JPH4: variants seen among roughly 807,000 people sequenced by gnomAD.
JPH4 encodes junctophilin-4.
A neutral mutation model predicts 57.6 loss-of-function variants in JPH4; 18 were observed. The ratio of observed to expected loss-of-function variants is 0.31; its 90% CI spans 0.22 to 0.46. The LOEUF (loss-of-function observed/expected upper bound fraction) is 0.46, where lower values mean the gene tolerates loss of function less well. Ranked by LOEUF, JPH4 falls within the 20% of genes least tolerant of loss-of-function variation. JPH4 has a pLI of 1.00. For synonymous variants in JPH4, 425 were observed against 406.6 expected, an observed-to-expected ratio of 1.05 and a Z score of -0.54; for missense variants, 727 against 911.1, an observed-to-expected ratio of 0.80 and a Z score of 2.60.
In JPH4 at chr14:23,571,494, A is replaced by T. The variant is rs1889145417; in HGVS notation, c.1271-34T>A. 1 of 1,586,344 alleles carries T rather than the reference A, an allele frequency of 6.3e-7. No individual in the cohort carries two copies. On this transcript the variant is annotated intron_variant, in intron 4 of 5. Coordinates refer to ENST00000356300, the MANE Select transcript of JPH4 (RefSeq NM_001146028.2). The surrounding 1 kb of genome is among the most constrained non-coding windows in gnomAD (Gnocchi z 4.6). ...GGATAGCTGAGAATCAGAGGGGCCT[A>T]ACTGGCCTTGGGCTGGAGTGGCTGC...
Position 23,576,127 on chromosome 14 carries a change from G to C in JPH4, c.709C>G (p.Leu237Val). ...GLRAGGRRSSLGSKRGSLRSE... is the reference protein window; with the variant it reads ...GLRAGGRRSSVGSKRGSLRSE... ...CGCAGGGAGCCTCGCTTGCTGCCCA[G>C]GGAGCTGCGACGTCCGCCCGCTCGG... The change falls in exon 3 of 6, where the codon CTG becomes GTG. Residue 237 changes from leucine to valine, a missense_variant. Around this residue, in one of 7 missense-constraint regions of JPH4, gnomAD observed 131 missense variants for 156.5 expected, o/e 0.84. Coordinates refer to ENST00000356300, the MANE Select transcript of JPH4 (RefSeq NM_001146028.2). The surrounding 1 kb of genome is among the most constrained non-coding windows in gnomAD (Gnocchi z 8.0). 1.5e-6 allele frequency: 2 copies of C among 1,310,678 alleles called. No homozygotes were observed. Among genetic ancestry groups the C allele is most frequent in the Admixed American group, 3.8e-5 (1 of 26,014 alleles). 81.2% of individuals were successfully genotyped at this position (1,310,678 alleles called of 1,614,324 possible). A position where few individuals can be genotyped will look rare whatever the true frequency, so the allele number is the denominator to read the frequency against.
Position 23,568,915 on chromosome 14 carries a change from C to A in JPH4, c.*719G>T. ...TACACGTTGCTCTTGGCATGGCATG[C>A]CACCAGAGGGGGCTGGAGGAGGGGC... On this transcript the variant is annotated 3_prime_UTR_variant, in exon 6 of 6. Transcript: ENST00000356300. 1 of 549,940 alleles carries A rather than the reference C, an allele frequency of 1.8e-6. No individual in the cohort carries two copies. The highest frequency in any genetic ancestry group is 2.3e-6 in the Non-Finnish European group (1 of 432,026). The allele number at this position is 549,940 out of a possible 1,614,324, so 34.1% of individuals were successfully genotyped here.
chr14:23,574,097 T>C (rs768235184), intron 3 of JPH4, among the ~76,000 whole-genome samples: 8 of 152,154 alleles, frequency 5.3e-5, no homozygotes, highest in Admixed American at 3.3e-4. Flanking sequence ...AAATTCAATA[T>C]GTAAAAATTC....
chr14:23,569,549 G>T lies in JPH4; in HGVS notation c.*85C>A. On this transcript the variant is annotated 3_prime_UTR_variant, in exon 6 of 6. Coordinates refer to ENST00000356300, the MANE Select transcript of JPH4 (RefSeq NM_001146028.2). This position sits in a 1 kb window ranked among gnomAD's most constrained non-coding sequence, Gnocchi z 4.8. ...AGAAAGAAAGATAGGAGAAAACACA[G>T]CCAGGAAGAGGAGAAGAGAAAAAAG... 1.2e-6 allele frequency: 1 copy of T among 860,618 alleles called. No homozygotes were observed. The highest frequency in any genetic ancestry group is 1.9e-6 in the Non-Finnish European group (1 of 516,808). 53.3% of individuals were successfully genotyped at this position (860,618 alleles called of 1,614,324 possible). A position where few individuals can be genotyped will look rare whatever the true frequency, so the allele number is the denominator to read the frequency against.
chr14:23,572,773 C>T (rs1391441480), intron 3 of JPH4: 4 of 666,134 alleles, frequency 6.0e-6, no homozygotes, highest in South Asian at 3.2e-5. Context: ...TATGCTTTCT[C>T]ACCATTGCAA....
rs965084506 is a variant in JPH4 at position 23,576,760 on chromosome 14, T to G, written c.380-304A>C. Among the ~76,000 whole-genome samples, 13 of 151,394 alleles carry G rather than the reference T, an allele frequency of 8.6e-5. No individual in the cohort carries two copies. The highest frequency in any genetic ancestry group is 2.7e-4 in the African/African-American group (11 of 41,232). On this transcript the variant is annotated intron_variant, in intron 2 of 5. Coordinates refer to ENST00000356300, the MANE Select transcript of JPH4 (RefSeq NM_001146028.2). The surrounding 1 kb of genome is among the most constrained non-coding windows in gnomAD (Gnocchi z 8.0). ...GGACAGGCTGGTCAGGGCGTTTAGA[T>G]AGGCAAACAGTACTCTGAGGGGCAC...
chr14:23,573,824 T>G (rs1221908345), intron 3 of JPH4, among the ~76,000 whole-genome samples: 2 of 152,116 alleles, frequency 1.3e-5, no homozygotes, highest in East Asian at 3.9e-4. Context: ...CTTCCCTGGC[T>G]TAAGTCCCTG....
Position 23,576,958 on chromosome 14 carries a change from G to T in JPH4, c.379+117C>A. On this transcript the variant is annotated intron_variant, in intron 2 of 5. Coordinates refer to ENST00000356300, the MANE Select transcript of JPH4 (RefSeq NM_001146028.2). The surrounding 1 kb of genome is among the most constrained non-coding windows in gnomAD (Gnocchi z 8.0). ...GGGGGCTGGGGGTCACATCGATGGG[G>T]AATGGTGGCGGGGGAAAGAAGGATG... 1.6e-6 allele frequency: 2 copies of T among 1,226,348 alleles called. No homozygotes were observed. Among genetic ancestry groups the T allele is most frequent in the Non-Finnish European group, 2.2e-6 (2 of 923,790 alleles). The allele number at this position is 1,226,348 out of a possible 1,614,324, so 76.0% of individuals were successfully genotyped here.
chr14:23,577,549 G>T lies in JPH4; in HGVS notation c.-96C>A. ...CCTTGGAGCCGGGCGAGGCCTCGGG[G>T]CGGGGGCAGTTAGACCGGGGCCGGG... On this transcript the variant is annotated 5_prime_UTR_variant, in exon 2 of 6. Transcript: ENST00000356300. This position sits in a 1 kb window ranked among gnomAD's most constrained non-coding sequence, Gnocchi z 8.4. The T allele has an allele frequency of 2.6e-6, 3 of 1,141,968 alleles. No individual in the cohort carries two copies. Among genetic ancestry groups the T allele is most frequent in the Non-Finnish European group, 1.1e-6 (1 of 871,192 alleles). The allele number at this position is 1,141,968 out of a possible 1,614,324, so 70.7% of individuals were successfully genotyped here. A position where few individuals can be genotyped will look rare whatever the true frequency, so the allele number is the denominator to read the frequency against.
rs1026423127 is a variant in JPH4 at position 23,569,989 on chromosome 14, G to T, written c.1804-272C>A. The stretch of plus-strand genomic sequence containing the variant: ...ATATCATGTGTCCCAGGCAGGAGGT[G>T]CCTGGCCTTAGTAGCAGACATTGGC... On this transcript the variant is annotated intron_variant, in intron 5 of 5. Transcript: ENST00000356300. The surrounding 1 kb of genome is among the most constrained non-coding windows in gnomAD (Gnocchi z 4.8). Among the ~76,000 whole-genome samples, 2 of 152,176 alleles carry T rather than the reference G, an allele frequency of 1.3e-5. No homozygotes were observed. The highest frequency in any genetic ancestry group is 4.8e-5 in the African/African-American group (2 of 41,438).
rs889511824 is a variant in JPH4, at chr14:23,577,576, G to A, written c.-123C>T. 4 of 794,086 alleles carry A rather than the reference G, an allele frequency of 5.0e-6. No homozygotes were observed. The highest frequency in any genetic ancestry group is 7.1e-6 in the Non-Finnish European group (4 of 561,070). 49.2% of individuals were successfully genotyped at this position (794,086 alleles called of 1,614,324 possible). ...GGGGGCAGTTAGACCGGGGCCGGGC[G>A]GGGGGGCCCCAGCGAGGGCAGGCAG... On this transcript the variant is annotated 5_prime_UTR_variant, in exon 2 of 6. Transcript: ENST00000356300. This position sits in a 1 kb window ranked among gnomAD's most constrained non-coding sequence, Gnocchi z 8.4.
Position 23,577,135 on chromosome 14 carries a change from C to A in JPH4, c.319G>T (p.Ala107Ser). 2 of 1,553,294 alleles carry A rather than the reference C, an allele frequency of 1.3e-6. No individual in the cohort carries two copies. Among genetic ancestry groups the A allele is most frequent in the African/African-American group, 2.7e-5 (2 of 73,152 alleles). ...VWESVSGLRYAGLWKDGFQDG... is the reference protein window; with the variant it reads ...VWESVSGLRYSGLWKDGFQDG... Reference sequence around the variant, plus strand: ...TGGAAACCGTCCTTCCAGAGCCCGGCGTAGCGCAGGCCGGACACGCTTTCC... The same window carrying A: ...TGGAAACCGTCCTTCCAGAGCCCGGAGTAGCGCAGGCCGGACACGCTTTCC... The change falls in exon 2 of 6, where the codon GCC (alanine) becomes TCC (serine). Residue 107 changes from alanine to serine, a missense_variant. Around this residue, in one of 7 missense-constraint regions of JPH4, gnomAD observed 90 missense variants for 88.1 expected, o/e 1.02. Transcript: ENST00000356300. The surrounding 1 kb of genome is among the most constrained non-coding windows in gnomAD (Gnocchi z 8.4).
At position 23,575,906 on chromosome 14, in the gene JPH4, C is replaced by G; in HGVS notation, c.930G>C (p.Leu310=). 1.9e-6 allele frequency: 3 copies of G among 1,573,380 alleles called. No homozygotes were observed. The highest frequency in any genetic ancestry group is 2.6e-6 in the Non-Finnish European group (3 of 1,164,828). The change falls in exon 3 of 6, where the codon CTG becomes CTC. Residue 310 remains leucine, a synonymous_variant. Coordinates refer to ENST00000356300, the MANE Select transcript of JPH4 (RefSeq NM_001146028.2). This position sits in a 1 kb window ranked among gnomAD's most constrained non-coding sequence, Gnocchi z 6.9. Reference sequence around the variant, plus strand: ...GCCCGTAGCCGTGCCGCCGGTTGCCCAGCCACTCGCCCTCGTAGCGCAGCC... The same window carrying G: ...GCCCGTAGCCGTGCCGCCGGTTGCCGAGCCACTCGCCCTCGTAGCGCAGCC... ...SNGLRYEGEW[L]GNRRHGYGRT...
chr14:23,576,967 C>T lies in JPH4; in HGVS notation c.379+108G>A. ...GGGTCACATCGATGGGGAATGGTGG[C>T]GGGGGAAAGAAGGATGGGCGCAAGG... is the stretch of plus-strand genomic sequence containing the variant. On this transcript the variant is annotated intron_variant, in intron 2 of 5. Coordinates refer to ENST00000356300, the MANE Select transcript of JPH4 (RefSeq NM_001146028.2). This position sits in a 1 kb window ranked among gnomAD's most constrained non-coding sequence, Gnocchi z 8.0. 5 of 1,268,486 alleles carry T rather than the reference C, an allele frequency of 3.9e-6. No individual in the cohort carries two copies. The highest frequency in any genetic ancestry group is 3.4e-5 in the South Asian group (2 of 58,172). 78.6% of individuals were successfully genotyped at this position (1,268,486 alleles called of 1,614,324 possible). A position where few individuals can be genotyped will look rare whatever the true frequency, so the allele number is the denominator to read the frequency against.
chr14:23,575,583 T>A lies in JPH4; in HGVS notation c.1151+102A>T. On this transcript the variant is annotated intron_variant, in intron 3 of 5. Coordinates refer to ENST00000356300, the MANE Select transcript of JPH4 (RefSeq NM_001146028.2). This position sits in a 1 kb window ranked among gnomAD's most constrained non-coding sequence, Gnocchi z 6.9. Reference sequence around the variant, plus strand: ...GCCTTAGGCTTGCAATAGCAGGCCCTAGGCCTTGGGCCTTGGGCCTCCCTT... The same window carrying A: ...GCCTTAGGCTTGCAATAGCAGGCCCAAGGCCTTGGGCCTTGGGCCTCCCTT... 1 of 1,435,540 alleles carries A rather than the reference T, an allele frequency of 7.0e-7. No homozygotes were observed. Among genetic ancestry groups the A allele is most frequent in the Non-Finnish European group, 9.5e-7 (1 of 1,056,490 alleles). 88.9% of individuals were successfully genotyped at this position (1,435,540 alleles called of 1,614,324 possible). A position where few individuals can be genotyped will look rare whatever the true frequency, so the allele number is the denominator to read the frequency against.
In JPH4 at chr14:23,577,485, C is replaced by A. The variant is rs762516910; in HGVS notation, c.-32G>T. ...AGTTGGCGCGGCCTCAGCCCCCCGGCGGCTCAGCGCATCCTGGGACTGGAG... is the reference window on the plus strand; with the variant it reads ...AGTTGGCGCGGCCTCAGCCCCCCGGAGGCTCAGCGCATCCTGGGACTGGAG... On this transcript the variant is annotated 5_prime_UTR_variant, in exon 2 of 6. Transcript: ENST00000356300. The surrounding 1 kb of genome is among the most constrained non-coding windows in gnomAD (Gnocchi z 8.4). 3 of 1,388,952 alleles carry A rather than the reference C, an allele frequency of 2.2e-6. No homozygotes were observed. Among genetic ancestry groups the A allele is most frequent in the Non-Finnish European group, 2.8e-6 (3 of 1,075,920 alleles). 86.0% of individuals were successfully genotyped at this position (1,388,952 alleles called of 1,614,324 possible).
chr14:23,574,872 T>C (rs1889236159), intron 3 of JPH4: 1 of 210,350 alleles, frequency 4.8e-6, no homozygotes, highest in Non-Finnish European at 9.3e-6. Flanking sequence ...CAGGCTGGTC[T>C]TGATGGGCTC....
At chr14:23,573,134 G>T in intron 3 of JPH4, 1 of 602,444 alleles carries the variant, frequency 1.7e-6, no homozygotes. Flanking sequence ...CTGGTATGGG[G>T]GTGGGGAAGA....
chr14:23,572,760 C>G (rs902521853), intron 3 of JPH4: 5 of 651,062 alleles, frequency 7.7e-6, no homozygotes, highest in Non-Finnish European at 1.1e-5. Flanking sequence ...TACTAACATG[C>G]AATATGCTTT....
Sources: allele counts gnomAD v4.1 joint callset (sites outside exome capture counted in the v4.1 genomes callset), GRCh38; gene constraint gnomAD v4.1.1; regional missense constraint gnomAD v4.1.1; non-coding constraint Gnocchi (gnomAD v3.1); transcripts MANE v1.5; gene names NCBI Gene and HGNC (gene_info 2026-07-23, HGNC 2026-07-21).